Variants in ETV7 observed in about 807,000 individuals in gnomAD.
ETV7 encodes the protein transcription factor ETV7.
ETV7 carries 43 observed loss-of-function variants against 39.1 expected under a neutral mutation model. The ratio of observed to expected loss-of-function variants is 1.10; its 90% CI spans 0.86 to 1.42. The LOEUF is 1.42. ETV7 is among the 40% of genes most tolerant of loss of function. ETV7 has a pLI of 0.00. For missense variants in ETV7, 432 were observed against 442.3 expected (o/e 0.98, Z 0.21); for synonymous variants, 196 against 176.6 (o/e 1.11, Z -0.87).
intron 6 of ETV7, among the ~76,000 whole-genome samples, chr6:36,367,395 G>C (rs1202915198): frequency 2.6e-5 from 4 of 151,908 alleles, no homozygotes; most frequent in Admixed American, 2.6e-4. Context: ...GTGAGCCGAG[G>C]TCATGTCACT....
intron 2 of ETV7, 61 bp from the exon 3 acceptor site, chr6:36,376,096 C>A: frequency 6.7e-7 from 1 of 1,487,154 alleles, no homozygotes; most frequent in South Asian, 1.3e-5. Flanking sequence ...GAAGCCCACC[C>A]TGAACACTTC....
downstream of ETV7, among the ~76,000 whole-genome samples, chr6:36,365,829 T>A (rs1370192722): frequency 6.6e-6 from 1 of 152,086 alleles, no homozygotes; most frequent in African/African-American, 2.4e-5. Context: ...TTAAATGAGA[T>A]AAGATATCCA....
rs757936802 is a variant in ETV7, at chr6:36,371,289, C to T, written c.664+41G>A. The T allele has an allele frequency of 1.5e-5, 23 of 1,529,158 alleles. 1 individual carries two copies. The East Asian group carries it at 2.4e-4, about 16-fold the overall frequency. The allele number at this position is 1,529,158 out of a possible 1,614,324, so 94.7% of individuals were successfully genotyped here. On this transcript the variant is annotated intron_variant, in intron 5 of 7. Coordinates refer to ENST00000340181, the MANE Select transcript of ETV7 (RefSeq NM_016135.4). ...CACTCGTGACTCTGAGACTCAGACT[C>T]AGTGCACCTTCCATGGCCAGAGGAA... is the stretch of plus-strand genomic sequence containing the variant.
intron 7 of ETV7, among the ~76,000 whole-genome samples, chr6:36,358,471 T>C (rs1035558820): frequency 6.6e-5 from 10 of 152,330 alleles, no homozygotes; most frequent in African/African-American, 2.2e-4. Flanking sequence ...CAAATCACTT[T>C]AGAGTTTGCA....
intron 5 of ETV7, among the ~76,000 whole-genome samples, chr6:36,369,831 A>C (rs892802553): frequency 6.6e-6 from 1 of 152,076 alleles, no homozygotes; most frequent in African/African-American, 2.4e-5. Flanking sequence ...CCTTGAGCCC[A>C]GGAATTTGAG....
intron 4 of ETV7, among the ~76,000 whole-genome samples, chr6:36,372,260 T>C (rs1773068707): frequency 6.6e-6 from 1 of 151,906 alleles, no homozygotes; most frequent in Non-Finnish European, 1.5e-5. Flanking sequence ...GGCAGGAGCA[T>C]CTCAGACTTG....
rs1279793463 is a variant in ETV7 at position 36,366,251 on chromosome 6, C to T, written c.*394G>A. 1 of 1,045,388 alleles carries T rather than the reference C, an allele frequency of 9.6e-7. No homozygotes were observed. The highest frequency in any genetic ancestry group is 1.2e-6 in the Non-Finnish European group (1 of 866,522). 64.8% of individuals were successfully genotyped at this position (1,045,388 alleles called of 1,614,324 possible). On this transcript the variant is annotated 3_prime_UTR_variant, in exon 8 of 8. Coordinates refer to ENST00000340181, the MANE Select transcript of ETV7 (RefSeq NM_016135.4). Reference sequence around the variant, plus strand: ...TGTCAGTGCCGCCTGGAAGCACTAACACTTTTTCCCATTTCCTGCCTCAGC... The same window carrying T: ...TGTCAGTGCCGCCTGGAAGCACTAATACTTTTTCCCATTTCCTGCCTCAGC...
At chr6:36,370,666 C>A (rs1582187433) in intron 5 of ETV7, among the ~76,000 whole-genome samples, 1 of 151,582 alleles carries the variant, frequency 6.6e-6, no homozygotes, top group Non-Finnish European at 1.5e-5. Context: ...GCACATGCAC[C>A]CCCTGAACCT....
At chr6:36,367,370 G>A (rs1393352071) in intron 6 of ETV7, among the ~76,000 whole-genome samples, 1 of 152,068 alleles carries the variant, frequency 6.6e-6, no homozygotes, top group Non-Finnish European at 1.5e-5. Context: ...TTGAACCCAG[G>A]AGGCAGAGGT....
chr6:36,363,165 A>G (rs1251141383), downstream of ETV7, among the ~76,000 whole-genome samples: 3 of 152,206 alleles, frequency 2.0e-5, no homozygotes, highest in Non-Finnish European at 4.4e-5. Context: ...TCTTGGTCTC[A>G]CTGACTTCAA....
chr6:36,379,901 T>TACA lies in ETV7; in HGVS notation c.143-3869_143-3867dup, dbSNP rs748494267. On this transcript the variant is annotated intron_variant, in intron 2 of 7. Transcript: ENST00000340181. ...AAAAAAAAAAAAAAAAGTAAAAACA[T>TACA]ACAACAACAACAGAAAGCATAGATG... Among the ~76,000 whole-genome samples, 37 of 147,756 alleles carry TACA rather than the reference T, an allele frequency of 2.5e-4. 2 individuals are homozygous for TACA. The highest frequency in any genetic ancestry group is 2.4e-3 in the Admixed American group (36 of 14,804).
Position 36,376,054 on chromosome 6 carries a change from A to T in ETV7, c.143-19T>A, listed in dbSNP as rs1451093762. 6.3e-7 allele frequency: 1 copy of T among 1,588,810 alleles called. No individual in the cohort carries two copies. Among genetic ancestry groups the T allele is most frequent in the African/African-American group, 1.3e-5 (1 of 74,800 alleles). ...TGGATGCCTGCAACCAGCAAGGACC[A>T]GTCCCATCACTCCCCGTCGGGCCTC... On this transcript the variant is annotated intron_variant, in intron 2 of 7. Coordinates refer to ENST00000340181, the MANE Select transcript of ETV7 (RefSeq NM_016135.4).
At chr6:36,379,069 T>TAAAATGTGGA in intron 2 of ETV7, among the ~76,000 whole-genome samples, 1 of 152,308 alleles carries the variant, frequency 6.6e-6, no homozygotes, top group Middle Eastern at 3.4e-3. Flanking sequence ...GCTGACTTAG[T>TAAAATGTGGA]GTAAAATGTG....
chr6:36,354,497 T>C, exon 8 of ETV7: 1 of 532,438 alleles, frequency 1.9e-6, no homozygotes. Flanking sequence ...CAACACTATT[T>C]GTTGAAAAAA....
chr6:36,379,052 G>A (rs191636185), intron 2 of ETV7, among the ~76,000 whole-genome samples: 1 of 152,298 alleles, frequency 6.6e-6, no homozygotes, highest in East Asian at 1.9e-4. Flanking sequence ...TACATGAGAC[G>A]CCGAAAGCTG....
chr6:36,386,163 A>T (rs1183928721), intron 1 of ETV7, among the ~76,000 whole-genome samples: 2 of 152,130 alleles, frequency 1.3e-5, no homozygotes, highest in South Asian at 4.1e-4. Context: ...CATTATCTCT[A>T]CGAAAAATAC....
chr6:36,372,802 G>A (rs1484364547), intron 4 of ETV7, among the ~76,000 whole-genome samples: 1 of 147,488 alleles, frequency 6.8e-6, no homozygotes, highest in East Asian at 2.0e-4. Flanking sequence ...AGGCAGCGTG[G>A]GTGCACATAT....
At chr6:36,377,079 G>A (rs187722155) in intron 2 of ETV7, among the ~76,000 whole-genome samples, 122 of 152,304 alleles carry the variant, frequency 8.0e-4, no homozygotes, top group Middle Eastern at 3.4e-3. Flanking sequence ...GGACTGCTAC[G>A]CTCCTAATGC....
At chr6:36,370,114 C>T (rs917956170) in intron 5 of ETV7, among the ~76,000 whole-genome samples, 3 of 151,952 alleles carry the variant, frequency 2.0e-5, no homozygotes, top group East Asian at 1.9e-4. Context: ...TAGTCATTTC[C>T]AACCCAAAAG....
Sources: gnomAD v4.1 joint callset for allele counts (sites outside exome capture counted in the v4.1 genomes callset) on GRCh38, gnomAD v4.1.1 for gene constraint, MANE v1.5 for transcripts, NCBI Gene and HGNC (gene_info 2026-07-23, HGNC 2026-07-21) for gene names.